NTN5: variants seen among roughly 807,000 people sequenced by gnomAD.
NTN5 encodes netrin 5.
In NTN5, 42 loss-of-function variants were observed where a neutral mutation model predicts 38.7. The observed-to-expected ratio is 1.08, with a 90% CI of 0.85 to 1.40. The LOEUF (loss-of-function observed/expected upper bound fraction) is 1.40, where lower values mean the gene tolerates loss of function less well. NTN5 is among the 40% of genes most tolerant of loss of function. NTN5 has a pLI of 0.00. For missense variants in NTN5, 658 were observed against 716.5 expected (o/e 0.92, Z 0.93); for synonymous variants, 329 against 303.9 (o/e 1.08, Z -0.86).
In NTN5 at chr19:48,663,876, C is replaced by A. The variant is rs74418433; in HGVS notation, c.971-62G>T. 7.6e-3 allele frequency: 11,568 copies of A among 1,513,958 alleles called. 756 individuals carry two copies. The African/African-American group carries it at 0.14, about 18-fold the overall frequency. The allele number at this position is 1,513,958 out of a possible 1,614,324, so 93.8% of individuals were successfully genotyped here. On this transcript the variant is annotated intron_variant, in intron 4 of 6. Transcript: ENST00000270235. ...TTCCCCCAGGATCCCCTCGCCCCTG[C>A]CCCGGGAATCCAGGCACCCAAACTC...
Position 48,670,338 on chromosome 19 carries a change from G to A in NTN5, c.631+18C>T. The A allele has an allele frequency of 1.4e-6, 2 of 1,390,482 alleles. No homozygotes were observed. The highest frequency in any genetic ancestry group is 1.9e-6 in the Non-Finnish European group (2 of 1,071,600). 86.1% of individuals were successfully genotyped at this position (1,390,482 alleles called of 1,614,324 possible). On this transcript the variant is annotated intron_variant, in intron 2 of 6. Transcript: ENST00000270235. ...GCAGGCAGGCAAAGGCAGGGAGAGTGAGGGGCGCAGGACTCACGTAGGCAA... is the reference window on the plus strand; with the variant it reads ...GCAGGCAGGCAAAGGCAGGGAGAGTAAGGGGCGCAGGACTCACGTAGGCAA...
At chr19:48,662,189 G>C in intron 6 of NTN5, 148 bp from the exon 7 acceptor site, 1 of 874,980 alleles carries the variant, frequency 1.1e-6, no homozygotes, top group Middle Eastern at 4.0e-4. Context: ...GAACCTTGGA[G>C]AGTTTGACCC....
chr19:48,670,386 C>T lies in NTN5; in HGVS notation c.601G>A (p.Ala201Thr). ...CAAGGGTGGGGGTGCCGGGGCGTGG[C>T]AGGCCGCCAGGGCCAGTCTCGATGG... ...PSHRDWPWRP[A>T]TPRHPHPCLP... Residue 201 changes from alanine to threonine, a missense_variant, in exon 2 of 7, where the codon GCC becomes ACC. Physicochemically the swap from Ala to Thr is moderately conservative, Grantham distance 58. Transcript: ENST00000270235. The T allele has an allele frequency of 1.4e-6, 2 of 1,416,074 alleles. No homozygotes were observed. Among genetic ancestry groups the T allele is most frequent in the Non-Finnish European group, 1.8e-6 (2 of 1,086,092 alleles). The allele number at this position is 1,416,074 out of a possible 1,614,324, so 87.7% of individuals were successfully genotyped here.
intron 2 of NTN5, among the ~76,000 whole-genome samples, chr19:48,668,621 C>T (rs2031766271): frequency 6.6e-6 from 1 of 152,154 alleles, no homozygotes; most frequent in African/African-American, 2.4e-5. Flanking sequence ...GCTGAGACCC[C>T]AGAACTTGGC....
chr19:48,669,694 CCATCATCACCAT>C (rs1568452418), intron 2 of NTN5, among the ~76,000 whole-genome samples: 1 of 60,956 alleles, frequency 1.6e-5, no homozygotes, highest in Non-Finnish European at 3.5e-5. Context: ...ATCACCACCA[CCATCATCACCAT>C]CACCACCATC....
intron 1 of NTN5, among the ~76,000 whole-genome samples, chr19:48,672,175 G>A (rs949522617): frequency 5.3e-5 from 8 of 152,160 alleles, no homozygotes; most frequent in African/African-American, 1.9e-4. Flanking sequence ...GAGGAGAGAG[G>A]CAGGAAGGCA....
At chr19:48,670,268 GAGGGAAGGGAACATCCTGCTCCCGT>G in intron 2 of NTN5, 63 bp downstream of exon 2, 1 of 1,298,792 alleles carries the variant, frequency 7.7e-7, no homozygotes, top group Non-Finnish European at 1.0e-6. Context: ...CAGTTCCAGC[GAGGGAAGGGAACATCCTGCTCCCGT>G]AGGGACAAAG....
intron 1 of NTN5, among the ~76,000 whole-genome samples, chr19:48,671,759 C>T (rs2031967447): frequency 6.6e-6 from 1 of 152,152 alleles, no homozygotes; most frequent in Non-Finnish European, 1.5e-5. Context: ...TAACCTTGTT[C>T]TCCACACCCT....
At position 48,670,472 on chromosome 19, in the gene NTN5, G is replaced by A. The variant is rs759741702; in HGVS notation, c.515C>T (p.Pro172Leu). 2.0e-6 allele frequency: 3 copies of A among 1,474,752 alleles called. No individual in the cohort carries two copies. Among genetic ancestry groups the A allele is most frequent in the Non-Finnish European group, 2.7e-6 (3 of 1,113,228 alleles). 91.4% of individuals were successfully genotyped at this position (1,474,752 alleles called of 1,614,324 possible). A position where few individuals can be genotyped will look rare whatever the true frequency, so the allele number is the denominator to read the frequency against. ...HAARCAARAR[P>L]PRCHCRHHTT... ...ATGGTGGCGGCAGTGGCAGCGGGGG[G>A]GCCGGGCACGGGCGGCACAGCGGGC... is the stretch of plus-strand genomic sequence containing the variant. Residue 172 changes from proline to leucine, a missense_variant, in exon 2 of 7, where the codon CCC becomes CTC. Pro to Leu is a moderately conservative substitution (Grantham distance 98, BLOSUM62 -3). Transcript: ENST00000270235.
rs574563320 is a variant in NTN5 at position 48,665,540 on chromosome 19, TC to T, written c.632-774del. 5.6e-3 allele frequency among the ~76,000 whole-genome samples: 837 copies of T among 150,740 alleles called. 14 individuals are homozygous for T. Among genetic ancestry groups the T allele is most frequent in the African/African-American group, 0.019 (763 of 41,070 alleles). ...CTGGGCCTCTAAAGAGTAGGCTGCA[TC>T]CAGGCACGATGGCTCGTGCCTGTAA... On this transcript the variant is annotated intron_variant, in intron 2 of 6. Coordinates refer to ENST00000270235, the MANE Select transcript of NTN5 (RefSeq NM_145807.4).
chr19:48,670,940 G>A lies in NTN5; in HGVS notation c.47C>T (p.Ala16Val), dbSNP rs758146345. The A allele has an allele frequency of 2.7e-5, 43 of 1,574,496 alleles. No homozygotes were observed. The highest frequency in any genetic ancestry group is 3.1e-5 in the Non-Finnish European group (36 of 1,159,096). The change falls in exon 2 of 7, where the codon GCG (alanine) becomes GTG (valine). Residue 16 changes from alanine to valine, a missense_variant. Physicochemically the swap from Ala to Val is moderately conservative, Grantham distance 64. Coordinates refer to ENST00000270235, the MANE Select transcript of NTN5 (RefSeq NM_145807.4). ...GCCCTGTGGATCGTAGCATGGGTCC[G>A]CAGTGGCCTGGCCCAGGAGGAGCAG... Reference protein sequence around the residue: ...ALLLLLGQATADPCYDPQGRP... With the variant: ...ALLLLLGQATVDPCYDPQGRP...
At chr19:48,669,846 C>T (rs1421032185) in intron 2 of NTN5, among the ~76,000 whole-genome samples, 3 of 84,996 alleles carry the variant, frequency 3.5e-5, no homozygotes, top group South Asian at 4.1e-4. Flanking sequence ...ATCACCACCA[C>T]TACCATCACC....
intron 6 of NTN5, 61 bp from the exon 7 acceptor site, chr19:48,662,102 C>T (rs774077129): frequency 4.4e-5 from 60 of 1,351,498 alleles, no homozygotes; most frequent in Non-Finnish European, 5.0e-5. Flanking sequence ...CTCTGGGTCC[C>T]GTGGGGTCAG....
intron 2 of NTN5, among the ~76,000 whole-genome samples, chr19:48,666,677 CTTTTTTTTTT>C (rs35638493): frequency 2.4e-5 from 1 of 41,118 alleles, no homozygotes; most frequent in African/African-American, 1.1e-4. Context: ...ACAGACCACT[CTTTTTTTTTT>C]TTTTTTTTTT....
At chr19:48,664,046 C>T in intron 4 of NTN5, 97 bp downstream of exon 4, 1 of 1,431,692 alleles carries the variant, frequency 7.0e-7, no homozygotes, top group South Asian at 1.4e-5. Context: ...GCTCCCAATT[C>T]CCAAGGCCCC....
chr19:48,662,022 T>C lies in NTN5; in HGVS notation c.1125A>G (p.Leu375=), dbSNP rs1228803194. 2.7e-6 allele frequency: 4 copies of C among 1,484,298 alleles called. No individual in the cohort carries two copies. The highest frequency in any genetic ancestry group is 2.9e-5 in the East Asian group (1 of 34,768). 91.9% of individuals were successfully genotyped at this position (1,484,298 alleles called of 1,614,324 possible). A position where few individuals can be genotyped will look rare whatever the true frequency, so the allele number is the denominator to read the frequency against. Residue 375 remains leucine, a synonymous_variant, in exon 7 of 7, where the codon CTA becomes CTG. Coordinates refer to ENST00000270235, the MANE Select transcript of NTN5 (RefSeq NM_145807.4). ...ATGCCGGGCCCGCCGCCTCGGACGC[T>C]AGCACCTGCGCGCGGAGAACTGTGG... ...QQDHVLRAQV[L]ASEAAGPAWQ...
At position 48,664,255 on chromosome 19, in the gene NTN5, G is replaced by A; in HGVS notation, c.858C>T (p.Thr286=). ...TGCACTGCCCACTGGTCTGGTTGCA[G>A]GTTCCTCCTGTTGCCCCAATAGGGT... The part of the protein sequence containing the change: ...QCHPIGATGG[T]CNQTSGQCTC... The change falls in exon 4 of 7, where the codon ACC becomes ACT. Residue 286 remains threonine (T), a synonymous_variant. Transcript: ENST00000270235. 1 of 1,613,150 alleles carries A rather than the reference G, an allele frequency of 6.2e-7. No individual in the cohort carries two copies. The highest frequency in any genetic ancestry group is 8.5e-7 in the Non-Finnish European group (1 of 1,179,644).
intron 2 of NTN5, among the ~76,000 whole-genome samples, chr19:48,668,992 TCACCATCATCACCACTATCAC>T (rs2031778716): frequency 1.4e-5 from 2 of 139,124 alleles, no homozygotes; most frequent in African/African-American, 5.4e-5. Flanking sequence ...ACTATCACCA[TCACCATCATCACCACTATCAC>T]CACCATCATC....
chr19:48,670,856 G>A lies in NTN5; in HGVS notation c.131C>T (p.Pro44Leu). Residue 44 changes from proline to leucine, a missense_variant, in exon 2 of 7, where the codon CCT becomes CTT. Transcript: ENST00000270235. Reference protein sequence around the residue: ...TQLAAVAASCPQACALSPGNH... With the variant: ...TQLAAVAASCLQACALSPGNH... ...TCCTGGGGACAGGGCACAGGCCTGA[G>A]GGCAGGAGGCCGCCACGGCAGCCAG... The A allele has an allele frequency of 1.2e-6, 2 of 1,612,032 alleles. No individual in the cohort carries two copies. The highest frequency in any genetic ancestry group is 1.7e-4 in the Middle Eastern group (1 of 6,052).
Sources: gnomAD v4.1 joint callset for allele counts (sites outside exome capture counted in the v4.1 genomes callset) on GRCh38, gnomAD v4.1.1 for gene constraint, MANE v1.5 for transcripts, NCBI Gene and HGNC (gene_info 2026-07-23, HGNC 2026-07-21) for gene names.